The following AXIN2 variants were observed in gnomAD, a reference collection of about 807,000 sequenced individuals.
AXIN2 encodes axin 2.
Under a neutral mutation model 74.7 loss-of-function variants are expected in AXIN2, and 21 were observed. The observed-to-expected ratio is 0.28, with a 90% CI of 0.20 to 0.40. The LOEUF (loss-of-function observed/expected upper bound fraction) is 0.40, where lower values mean the gene tolerates loss of function less well. Ranked by LOEUF, AXIN2 falls within the 10% of genes least tolerant of loss-of-function variation. The pLI, the probability that AXIN2 is intolerant of heterozygous loss-of-function variation, is 1.00. For missense variants in AXIN2, 1,144 were observed against 1,111.1 expected, an observed-to-expected ratio of 1.03 and a Z score of -0.42; for synonymous variants, 532 against 454.9, an observed-to-expected ratio of 1.17 and a Z score of -2.16.
At position 65,537,541 on chromosome 17, in the gene AXIN2, G is replaced by C. The variant is rs1168199442; in HGVS notation, c.1495C>G (p.Leu499Val). The part of the protein sequence containing the change: ...PAAASPGACP[L>V]LGGKGFVTKQ... Reference sequence around the variant, plus strand: ...GTCACAAAGCCTTTGCCCCCGAGGAGGGGGCAGGCGCCCGGCGAGGCGGCC... The same window carrying C: ...GTCACAAAGCCTTTGCCCCCGAGGACGGGGCAGGCGCCCGGCGAGGCGGCC... Residue 499 changes from leucine to valine, a missense_variant, in exon 6 of 11, where the codon CTC becomes GTC. By Grantham distance (32) the Leu-to-Val change is conservative. Around this residue, in one of 4 missense-constraint regions of AXIN2, gnomAD observed 1,053 missense variants for 973.5 expected, o/e 1.08. Transcript: ENST00000307078. 6.2e-7 allele frequency: 1 copy of C among 1,613,168 alleles called. No homozygotes were observed. The highest frequency in any genetic ancestry group is 8.5e-7 in the Non-Finnish European group (1 of 1,179,770).
At chr17:65,554,891 C>T (rs1013738400) in intron 2 of AXIN2, among the ~76,000 whole-genome samples, 20 of 152,220 alleles carry the variant, frequency 1.3e-4, no homozygotes, top group Non-Finnish European at 2.6e-4. Context: ...CACAACCCCC[C>T]TTCGCACACA....
intron 2 of AXIN2, among the ~76,000 whole-genome samples, chr17:65,553,854 G>T (rs912340006): frequency 6.7e-5 from 10 of 149,402 alleles, no homozygotes; most frequent in East Asian, 6.1e-4. Flanking sequence ...AGGCGGGGGG[G>T]GGGGGAGGAA....
At chr17:65,546,064 C>T (rs1202518372) in intron 3 of AXIN2, among the ~76,000 whole-genome samples, 1 of 142,228 alleles carries the variant, frequency 7.0e-6, no homozygotes, top group Admixed American at 7.0e-5. Context: ...CCCTCCCCAG[C>T]CCTGTTCCCT....
intron 10 of AXIN2, among the ~76,000 whole-genome samples, chr17:65,532,670 G>A (rs2043842959): frequency 6.6e-6 from 1 of 152,220 alleles, no homozygotes; most frequent in African/African-American, 2.4e-5. Flanking sequence ...AGAGGGGAGG[G>A]TGTCTCAGAG....
intron 3 of AXIN2, 85 bp downstream of exon 3, chr17:65,549,435 C>T: frequency 6.4e-7 from 1 of 1,569,782 alleles, no homozygotes; most frequent in Non-Finnish European, 8.7e-7. Flanking sequence ...GCAAAGCCAG[C>T]TGAGGATGAC....
chr17:65,544,816 G>C (rs2044095136), intron 3 of AXIN2, among the ~76,000 whole-genome samples: 1 of 152,142 alleles, frequency 6.6e-6, no homozygotes, highest in Non-Finnish European at 1.5e-5. Context: ...TTAGCCTTTT[G>C]ACTCCACCGT....
At chr17:65,533,849 A>AG (rs1296758479) in intron 10 of AXIN2, 63 bp downstream of exon 10, 3 of 1,241,250 alleles carry the variant, frequency 2.4e-6, no homozygotes, top group Non-Finnish European at 3.3e-6. Flanking sequence ...GAGCTGCTCC[A>AG]GGCTCTGGCT....
chr17:65,556,971 G>A (rs755348537), intron 2 of AXIN2, among the ~76,000 whole-genome samples: 3 of 152,132 alleles, frequency 2.0e-5, no homozygotes, highest in Non-Finnish European at 4.4e-5. Context: ...TCTAACAAGA[G>A]GTCTGAAGTT....
chr17:65,536,877 C>T lies in AXIN2; in HGVS notation c.1899G>A (p.Lys633=), dbSNP rs150557228. The T allele has an allele frequency of 1.2e-6, 2 of 1,613,280 alleles. No homozygotes were observed. The highest frequency in any genetic ancestry group is 1.7e-6 in the Non-Finnish European group (2 of 1,179,936). Residue 633 remains lysine, a synonymous_variant, in exon 7 of 11, where the codon AAG becomes AAA. Transcript: ENST00000307078. The part of the protein sequence containing the change: ...MLESERQSKP[K]PHSAQSTKKA... ...CGGCAAGCGGTGTTTACCTATGGGG[C>T]TTGGGCTTGCTCTGCCGCTCACTCT...
At chr17:65,535,057 G>T (rs1042203994) in intron 9 of AXIN2, among the ~76,000 whole-genome samples, 1 of 152,228 alleles carries the variant, frequency 6.6e-6, no homozygotes, top group African/African-American at 2.4e-5. Context: ...CATTGCTCAG[G>T]ATGAAGACAC....
At position 65,529,010 on chromosome 17, in the gene AXIN2, C is replaced by G. The variant is rs1174719099; in HGVS notation, c.*966G>C. 1 of 246,818 alleles carries G rather than the reference C, an allele frequency of 4.1e-6. No individual in the cohort carries two copies. Among genetic ancestry groups the G allele is most frequent in the Non-Finnish European group, 7.8e-6 (1 of 127,756 alleles). 15.3% of individuals were successfully genotyped at this position (246,818 alleles called of 1,614,324 possible). A position where few individuals can be genotyped will look rare whatever the true frequency, so the allele number is the denominator to read the frequency against. ...GGAAAGGTGCTGCTGGGTCTCCCTA[C>G]AACTGTTCATTTCTTTGTGGGGCAG... On this transcript the variant is annotated 3_prime_UTR_variant, in exon 11 of 11. Coordinates refer to ENST00000307078, the MANE Select transcript of AXIN2 (RefSeq NM_004655.4).
At chr17:65,555,199 G>C (rs966232151) in intron 2 of AXIN2, among the ~76,000 whole-genome samples, 1 of 152,222 alleles carries the variant, frequency 6.6e-6, no homozygotes, top group Non-Finnish European at 1.5e-5. Context: ...CAGGCATCCG[G>C]CTGCCAAGAC....
rs1443332884 is a variant in AXIN2, at chr17:65,558,158, T to C, written c.463A>G (p.Thr155Ala). 2 of 1,614,146 alleles carry C rather than the reference T, an allele frequency of 1.2e-6. No homozygotes were observed. Among genetic ancestry groups the C allele is most frequent in the Non-Finnish European group, 8.5e-7 (1 of 1,180,044 alleles). Reference sequence around the variant, plus strand: ...TTCTTGATGCCATCTCTTATGTAGGTCTTGGTGGCAGGCTTCAGCTGCTTG... The same window carrying C: ...TTCTTGATGCCATCTCTTATGTAGGCCTTGGTGGCAGGCTTCAGCTGCTTG... ...VSKQLKPATK[T>A]YIRDGIKKQQ... The change falls in exon 2 of 11, where the codon ACC becomes GCC. Residue 155 changes from threonine to alanine, a missense_variant. Physicochemically the swap from Thr to Ala is moderately conservative, Grantham distance 58. This residue lies in a region of AXIN2 where 1,053 missense variants were observed against 973.5 expected (regional missense o/e 1.08). Transcript: ENST00000307078.
rs541279228 is a variant in AXIN2, at chr17:65,548,276, C to T, written c.956+1244G>A. 1.3e-4 allele frequency among the ~76,000 whole-genome samples: 20 copies of T among 152,298 alleles called. No individual in the cohort carries two copies. In the South Asian group the frequency reaches 4.1e-3, roughly 32 times the overall value. Reference sequence around the variant, plus strand: ...GAATTTGAGGTAACACAATAAAAGCCACCAGCAAAATAAATAGTAGGTTCC... The same window carrying T: ...GAATTTGAGGTAACACAATAAAAGCTACCAGCAAAATAAATAGTAGGTTCC... On this transcript the variant is annotated intron_variant, in intron 3 of 10. Transcript: ENST00000307078.
chr17:65,538,155 G>C, intron 5 of AXIN2, 48 bp downstream of exon 5: 1 of 1,613,476 alleles, frequency 6.2e-7, no homozygotes, highest in Non-Finnish European at 8.5e-7. Flanking sequence ...ACACATACGA[G>C]CGCTCACGCC....
chr17:65,541,623 A>G, intron 3 of AXIN2, 66 bp from the exon 4 acceptor site: 1 of 1,305,830 alleles, frequency 7.7e-7, no homozygotes. Context: ...CACATGGGCT[A>G]CTGTCATATG....
chr17:65,534,695 G>A (rs1444481958), intron 9 of AXIN2, among the ~76,000 whole-genome samples: 2 of 152,020 alleles, frequency 1.3e-5, no homozygotes, highest in East Asian at 1.9e-4. Flanking sequence ...TTGGGAGGCC[G>A]AGGTGGGCGG....
chr17:65,537,532 C>G lies in AXIN2; in HGVS notation c.1504G>C (p.Gly502Arg), dbSNP rs978541876. Residue 502 changes from glycine (G) to arginine (R), a missense_variant, in exon 6 of 11, where the codon GGC becomes CGC. By Grantham distance (125) the Gly-to-Arg change is moderately radical. Coordinates refer to ENST00000307078, the MANE Select transcript of AXIN2 (RefSeq NM_004655.4). The stretch of plus-strand genomic sequence containing the variant: ...GTCTGCTTGGTCACAAAGCCTTTGC[C>G]CCCGAGGAGGGGGCAGGCGCCCGGC... Reference protein sequence around the residue: ...ASPGACPLLGGKGFVTKQTTK... With the variant: ...ASPGACPLLGRKGFVTKQTTK... 6.2e-7 allele frequency: 1 copy of G among 1,613,578 alleles called. No individual in the cohort carries two copies.
chr17:65,552,227 A>G (rs943483895), intron 2 of AXIN2, among the ~76,000 whole-genome samples: 5 of 152,120 alleles, frequency 3.3e-5, no homozygotes, highest in Admixed American at 3.3e-4. Flanking sequence ...GAGAAGGGGG[A>G]CTCTCTGTTC....
Sources: gnomAD v4.1 joint callset for allele counts (sites outside exome capture counted in the v4.1 genomes callset) on GRCh38, gnomAD v4.1.1 for gene constraint, gnomAD v4.1.1 regional missense constraint, MANE v1.5 for transcripts, NCBI Gene and HGNC (gene_info 2026-07-23, HGNC 2026-07-21) for gene names.